NLGN4Y: variants seen among roughly 807,000 people sequenced by gnomAD.
NLGN4Y encodes the protein neuroligin-4, Y-linked.
In NLGN4Y, 4 loss-of-function variants were observed where a neutral mutation model predicts 8.4. That is an observed-to-expected ratio of 0.48 (90% CI 0.23 to 1.09). The LOEUF is 1.09. Ranked by LOEUF, NLGN4Y falls within the 50% of genes least tolerant of loss-of-function variation. NLGN4Y has a pLI of 0.19. For synonymous variants in NLGN4Y, 35 were observed against 75.6 expected (o/e 0.46, Z 2.78); for missense variants, 90 against 192.3 (o/e 0.47, Z 3.15).
chrY:14,651,247 G>A (rs2080628380), intron 2 of NLGN4Y, among the ~76,000 whole-genome samples: 1 of 32,989 alleles, frequency 3.0e-5, no homozygotes, highest in Admixed American at 2.8e-4. Flanking sequence ...TTATGGAATC[G>A]ATGTGTCAAA....
At chrY:14,743,128 G>T in intron 4 of NLGN4Y, among the ~76,000 whole-genome samples, 1 of 32,857 alleles carries the variant, frequency 3.0e-5, no homozygotes, top group Non-Finnish European at 7.5e-5. Flanking sequence ...TATTTAAGAG[G>T]ATATTATTAA....
chrY:14,687,863 A>T, intron 2 of NLGN4Y, among the ~76,000 whole-genome samples: 1 of 33,752 alleles, frequency 3.0e-5, no homozygotes, highest in Admixed American at 2.7e-4. Flanking sequence ...AGTGTGTTTT[A>T]AAGCAGGACT....
At chrY:14,557,873 C>A (rs2080214994) in intron 1 of NLGN4Y, among the ~76,000 whole-genome samples, 3 of 32,630 alleles carry the variant, frequency 9.2e-5, no homozygotes, top group Non-Finnish European at 7.5e-5. Context: ...CTTATGCATC[C>A]AAATCAGTAG....
chrY:14,807,535 A>G, intron 4 of NLGN4Y, among the ~76,000 whole-genome samples: 1 of 33,356 alleles, frequency 3.0e-5, no homozygotes, highest in Non-Finnish European at 7.4e-5. Context: ...TAAATGAAAA[A>G]AAAACATTTC....
At chrY:14,764,510 C>T in intron 4 of NLGN4Y, among the ~76,000 whole-genome samples, 1 of 33,681 alleles carries the variant, frequency 3.0e-5, no homozygotes. Flanking sequence ...CTCTCAGGAC[C>T]AATTTCTGTC....
At chrY:14,808,323 C>A in intron 4 of NLGN4Y, among the ~76,000 whole-genome samples, 1 of 33,836 alleles carries the variant, frequency 3.0e-5, no homozygotes, top group African/African-American at 1.2e-4. Flanking sequence ...AGGCACCATG[C>A]TGTTTCTTGT....
rs1603503652 is a variant in NLGN4Y, at chrY:14,759,295, G to T, written c.685+36026G>T. Among the ~76,000 whole-genome samples, 10 of 31,532 alleles carry T rather than the reference G, an allele frequency of 3.2e-4. No homozygotes were observed. The East Asian group carries it at 3.3e-3, about 10-fold the overall frequency. 84.6% of individuals were successfully genotyped at this position (31,532 alleles called of 37,273 possible). A position where few individuals can be genotyped will look rare whatever the true frequency, so the allele number is the denominator to read the frequency against. ...GGATGAAAAGATACTGTTTTTTTTT[G>T]TTTTGTTTTGTTTTTTTGTTTTTGA... On this transcript the variant is annotated intron_variant, in intron 4 of 6. Coordinates refer to ENST00000684976, the MANE Select transcript of NLGN4Y (RefSeq NM_001365588.1).
At chrY:14,527,340 G>A (rs989040959) in intron 1 of NLGN4Y, among the ~76,000 whole-genome samples, 3 of 33,923 alleles carry the variant, frequency 8.8e-5, no homozygotes, top group South Asian at 6.6e-4. Context: ...GAAGACAGGC[G>A]TATGTGGTTA....
At chrY:14,523,472 C>CAT (rs755732228), upstream of NLGN4Y, 6 of 113,275 alleles carry the variant, frequency 5.3e-5, no homozygotes, top group East Asian at 2.7e-4. Flanking sequence ...TACACACACA[C>CAT]ATATATATAT....
chrY:14,552,251 C>A (rs2080195495), intron 1 of NLGN4Y, among the ~76,000 whole-genome samples: 4 of 33,421 alleles, frequency 1.2e-4, no homozygotes, highest in African/African-American at 4.7e-4. Context: ...TCTGAATAGA[C>A]CAATAACAAG....
chrY:14,721,408 A>G, intron 3 of NLGN4Y, among the ~76,000 whole-genome samples: 1 of 33,678 alleles, frequency 3.0e-5, no homozygotes, highest in African/African-American at 1.2e-4. Flanking sequence ...TGAATAAGTG[A>G]TGAATGAAGA....
intron 4 of NLGN4Y, chrY:14,804,080 A>G: frequency 8.8e-5 from 3 of 33,917 alleles, no homozygotes; most frequent in Admixed American, 2.7e-4. Context: ...AGTCACATCC[A>G]TCAGTGCCTC....
intron 4 of NLGN4Y, among the ~76,000 whole-genome samples, chrY:14,793,115 G>A (rs1034143705): frequency 1.9e-4 from 6 of 32,416 alleles, no homozygotes; most frequent in African/African-American, 7.3e-4. Context: ...GATTTCACCC[G>A]CCGCCATTCA....
rs747448557 is a variant in NLGN4Y at position 14,794,412 on chromosome Y, T to C, written c.686-29776T>C. On this transcript the variant is annotated intron_variant, in intron 4 of 6. Transcript: ENST00000684976. ...ATATATTGTCATCTGCTTTTGTTCT[T>C]TTATAAATGTCATTCTGTGTTTTTC... Among the ~76,000 whole-genome samples, 3 of 33,996 alleles carry C rather than the reference T, an allele frequency of 8.8e-5. No homozygotes were observed. The South Asian group carries it at 2.0e-3, about 22-fold the overall frequency. The allele number at this position is 33,996 out of a possible 37,273, so 91.2% of individuals were successfully genotyped here.
At chrY:14,829,508 C>CGTGT (rs1325355243) in intron 5 of NLGN4Y, among the ~76,000 whole-genome samples, 8 of 29,904 alleles carry the variant, frequency 2.7e-4, no homozygotes, top group East Asian at 1.7e-3. Context: ...TCCTTAAACT[C>CGTGT]GTGTGTGTGT....
At chrY:14,785,437 C>T in intron 4 of NLGN4Y, among the ~76,000 whole-genome samples, 1 of 33,931 alleles carries the variant, frequency 2.9e-5, no homozygotes, top group Non-Finnish European at 7.3e-5. Flanking sequence ...GTAATGGTAT[C>T]CAGTATGGAT....
intron 4 of NLGN4Y, among the ~76,000 whole-genome samples, chrY:14,726,806 T>C: frequency 5.9e-5 from 2 of 33,869 alleles, no homozygotes; most frequent in African/African-American, 2.3e-4. Flanking sequence ...TATTTGAGGC[T>C]GGATGCAGTG....
intron 1 of NLGN4Y, among the ~76,000 whole-genome samples, chrY:14,552,769 G>C (rs1016247172): frequency 3.0e-5 from 1 of 33,292 alleles, no homozygotes; most frequent in Admixed American, 2.8e-4. Flanking sequence ...TTAATGGAAC[G>C]TATCTCTAAT....
Position 14,752,306 on chromosome Y carries a change from G to A in NLGN4Y, c.685+29037G>A. Among the ~76,000 whole-genome samples the A allele has an allele frequency of 1.5e-4, 5 of 32,639 alleles. No individual in the cohort carries two copies. The Middle Eastern group carries it at 0.058, about 378-fold the overall frequency. The allele number at this position is 32,639 out of a possible 37,273, so 87.6% of individuals were successfully genotyped here. On this transcript the variant is annotated intron_variant, in intron 4 of 6. Transcript: ENST00000684976. ...ATAATAATACAAAATATCTAGTATA[G>A]CAAATATTCTTTCCTTGTTCTTTTG...
Sources: allele counts gnomAD v4.1 joint callset (sites outside exome capture counted in the v4.1 genomes callset), GRCh38; gene constraint gnomAD v4.1.1; transcripts MANE v1.5; gene names NCBI Gene and HGNC (gene_info 2026-07-23, HGNC 2026-07-21).